EBF2: variants seen among roughly 807,000 people sequenced by gnomAD.
EBF2 encodes EBF transcription factor 2.
A neutral mutation model predicts 72.8 loss-of-function variants in EBF2; 21 were observed. The observed-to-expected ratio is 0.29, with a 90% CI of 0.20 to 0.42. The LOEUF (loss-of-function observed/expected upper bound fraction) is 0.42. Ranked by LOEUF, EBF2 falls within the 10% of genes least tolerant of loss-of-function variation. The probability of loss-of-function intolerance (pLI) is 1.00; values close to 1 mark genes in which losing one functional copy is unlikely to be tolerated. For synonymous variants in EBF2, 299 were observed against 274.2 expected (o/e 1.09, Z -0.89); for missense variants, 637 against 731.2 (o/e 0.87, Z 1.49).
chr8:26,030,512 A>T (rs1328901677), intron 6 of EBF2, among the ~76,000 whole-genome samples: 1 of 152,092 alleles, frequency 6.6e-6, no homozygotes, highest in African/African-American at 2.4e-5. Context: ...CCAACATGGC[A>T]CATGTATACA....
rs763416647 is a variant in EBF2 at position 26,039,263 on chromosome 8, G to C, written c.482+765C>G. On this transcript the variant is annotated intron_variant, in intron 5 of 15. Coordinates refer to ENST00000520164, the MANE Select transcript of EBF2 (RefSeq NM_022659.4). ...CAGGCAGAAAAAAAGGGTGGGGGGG[G>C]AATGCACAGGACTCAAGGTGGAATG... Among the ~76,000 whole-genome samples, 8 of 151,830 alleles carry C rather than the reference G, an allele frequency of 5.3e-5. No individual in the cohort carries two copies. In the East Asian group the frequency reaches 9.7e-4, roughly 18 times the overall value.
intron 6 of EBF2, among the ~76,000 whole-genome samples, chr8:26,009,432 A>C (rs187356932): frequency 6.6e-6 from 1 of 152,368 alleles, no homozygotes; most frequent in East Asian, 1.9e-4. Context: ...TGCAAGAATC[A>C]GAAAGCAAGC....
chr8:25,950,164 TTAATCAC>T (rs1354721723), intron 6 of EBF2, among the ~76,000 whole-genome samples: 1 of 152,230 alleles, frequency 6.6e-6, no homozygotes, highest in Non-Finnish European at 1.5e-5. Context: ...GTTTCCTCCT[TTAATCAC>T]TCACTGATGA....
At chr8:25,934,925 G>A (rs1803549956) in intron 6 of EBF2, among the ~76,000 whole-genome samples, 1 of 152,282 alleles carries the variant, frequency 6.6e-6, no homozygotes, top group African/African-American at 2.4e-5. Context: ...CTTTGCTCAG[G>A]GACTGCGAAC....
chr8:25,898,044 C>T (rs1802887350), intron 7 of EBF2, among the ~76,000 whole-genome samples: 1 of 152,204 alleles, frequency 6.6e-6, no homozygotes, highest in Admixed American at 6.5e-5. Flanking sequence ...TTATAGGAAA[C>T]ATTGTCGCAG....
chr8:25,996,272 G>C (rs896750030), intron 6 of EBF2, among the ~76,000 whole-genome samples: 3 of 148,528 alleles, frequency 2.0e-5, no homozygotes, highest in East Asian at 2.0e-4. Context: ...TCTAAGCCTG[G>C]GCAACAGAGT....
At chr8:25,875,323 A>C (rs1378423090) in intron 10 of EBF2, among the ~76,000 whole-genome samples, 13 of 152,150 alleles carry the variant, frequency 8.5e-5, no homozygotes, top group Non-Finnish European at 1.9e-4. Flanking sequence ...TATCTTTCTA[A>C]TGGGGTAAGT....
intron 14 of EBF2, among the ~76,000 whole-genome samples, chr8:25,852,443 T>TACA (rs1554559756): frequency 6.6e-6 from 1 of 152,206 alleles, no homozygotes; most frequent in Non-Finnish European, 1.5e-5. Context: ...TTTCCCTGTC[T>TACA]ACAACAGCAG....
intron 6 of EBF2, among the ~76,000 whole-genome samples, chr8:25,951,351 C>CAGCTGGG (rs1187190696): frequency 4.6e-5 from 7 of 152,100 alleles, no homozygotes. Context: ...CTGAGATTAC[C>CAGCTGGG]AGCTGGGAGA....
At chr8:25,880,131 A>T (rs948337773) in intron 10 of EBF2, among the ~76,000 whole-genome samples, 12 of 152,216 alleles carry the variant, frequency 7.9e-5, no homozygotes, top group African/African-American at 2.9e-4. Flanking sequence ...GTAGGCACAA[A>T]ATAAATTTTT....
rs1262917353 is a variant in EBF2 at position 25,861,378 on chromosome 8, G to A, written c.1099-4C>T. On this transcript the variant is annotated splice_region_variant and splice_polypyrimidine_tract_variant and intron_variant, in intron 11 of 15. Transcript: ENST00000520164. The stretch of plus-strand genomic sequence containing the variant: ...CAGCTCTTTTCAACAGCATCTCCTG[G>A]AAAATAAGCGAGGATGGGATATTGT... The A allele has an allele frequency of 6.2e-7, 1 of 1,613,976 alleles. No homozygotes were observed. The highest frequency in any genetic ancestry group is 8.5e-7 in the Non-Finnish European group (1 of 1,180,024).
intron 2 of EBF2, 109 bp downstream of exon 2, chr8:26,041,986 C>T (rs745447510): frequency 6.8e-7 from 1 of 1,472,798 alleles, no homozygotes; most frequent in East Asian, 2.3e-5. Flanking sequence ...GATTTATCAT[C>T]CCTGATGGTG....
chr8:25,973,958 G>A (rs1804228710), intron 6 of EBF2, among the ~76,000 whole-genome samples: 1 of 152,300 alleles, frequency 6.6e-6, no homozygotes, highest in South Asian at 2.1e-4. Context: ...GATTACAGGT[G>A]TGAGCCACCA....
intron 6 of EBF2, among the ~76,000 whole-genome samples, chr8:25,930,295 G>C (rs1401846292): frequency 6.6e-6 from 1 of 152,180 alleles, no homozygotes; most frequent in Non-Finnish European, 1.5e-5. Flanking sequence ...CTCAAGTAGT[G>C]TAGGAAAAAC....
intron 6 of EBF2, among the ~76,000 whole-genome samples, chr8:26,023,025 C>A (rs563363475): frequency 4.1e-4 from 63 of 152,140 alleles, no homozygotes; most frequent in Non-Finnish European, 6.2e-4. Context: ...CCTAAATCTG[C>A]GAATCATCTG....
chr8:26,024,361 T>C (rs1361956423), intron 6 of EBF2, among the ~76,000 whole-genome samples: 2 of 152,140 alleles, frequency 1.3e-5, no homozygotes, highest in African/African-American at 4.8e-5. Flanking sequence ...CTACACATCC[T>C]TTGTTTTTCC....
chr8:26,008,538 C>T (rs941443963), intron 6 of EBF2, among the ~76,000 whole-genome samples: 15 of 152,064 alleles, frequency 9.9e-5, no homozygotes, highest in African/African-American at 3.1e-4. Flanking sequence ...CAACCTACTA[C>T]GTTAACCACT....
chr8:26,036,967 G>A (rs910387238), intron 5 of EBF2, among the ~76,000 whole-genome samples: 2 of 152,280 alleles, frequency 1.3e-5, no homozygotes, highest in South Asian at 4.1e-4. Context: ...GGTTAAGACT[G>A]TGTTCGTAAC....
chr8:26,010,564 G>T (rs1482244601), intron 6 of EBF2, among the ~76,000 whole-genome samples: 2 of 152,184 alleles, frequency 1.3e-5, no homozygotes, highest in African/African-American at 4.8e-5. Flanking sequence ...ACCCAGCGAC[G>T]CGCAGCTGAG....
Sources: allele counts gnomAD v4.1 joint callset (sites outside exome capture counted in the v4.1 genomes callset), GRCh38; gene constraint gnomAD v4.1.1; transcripts MANE v1.5; gene names NCBI Gene and HGNC (gene_info 2026-07-23, HGNC 2026-07-21).